FRMPD3: variants seen among roughly 807,000 people sequenced by gnomAD.
FRMPD3 encodes FERM and PDZ domain-containing protein 3.
A neutral mutation model predicts 97.9 loss-of-function variants in FRMPD3; 42 were observed. The ratio of observed to expected loss-of-function variants is 0.43; its 90% CI spans 0.34 to 0.55. The LOEUF (loss-of-function observed/expected upper bound fraction) is 0.55, where lower values mean the gene tolerates loss of function less well. FRMPD3 is among the 20% of genes least tolerant of loss of function. The probability of loss-of-function intolerance (pLI) is 0.03; values close to 1 mark genes in which losing one functional copy is unlikely to be tolerated. For missense variants in FRMPD3, 1,303 were observed against 1,457.7 expected (o/e 0.89, Z 1.73); for synonymous variants, 577 against 581.1 (o/e 0.99, Z 0.10).
chrX:107,580,296 G>A (rs1342833985), intron 13 of FRMPD3, among the ~76,000 whole-genome samples: 2 of 111,818 alleles, frequency 1.8e-5, no homozygotes, highest in Non-Finnish European at 3.8e-5. Flanking sequence ...TGCAATATGG[G>A]AGGCATACTG....
At chrX:107,476,910 C>T (rs187860892) in intron 1 of FRMPD3, among the ~76,000 whole-genome samples, 38 of 112,546 alleles carry the variant, frequency 3.4e-4, no homozygotes, top group Non-Finnish European at 6.4e-4. Context: ...AGTCTCAGCT[C>T]AGTCCCTTCC....
chrX:107,594,723 C>T (rs1456701305), intron 13 of FRMPD3, among the ~76,000 whole-genome samples: 1 of 109,886 alleles, frequency 9.1e-6, no homozygotes. Flanking sequence ...CTCTACTAAA[C>T]ATACAAAATT....
chrX:107,594,494 GTT>G (rs1569429096), intron 13 of FRMPD3, among the ~76,000 whole-genome samples: 1 of 112,066 alleles, frequency 8.9e-6, no homozygotes, highest in Non-Finnish European at 1.9e-5. Context: ...TGTTTTTCTG[GTT>G]TCTTAAGGTA....
chrX:107,480,314 G>A (rs980042120), intron 1 of FRMPD3, among the ~76,000 whole-genome samples: 5 of 111,476 alleles, frequency 4.5e-5, no homozygotes, highest in Admixed American at 9.5e-5. Context: ...TCCATTGATA[G>A]GTAAAATGGC....
chrX:107,524,811 G>A (rs767840534), intron 1 of FRMPD3, among the ~76,000 whole-genome samples: 1 of 110,004 alleles, frequency 9.1e-6, no homozygotes, highest in South Asian at 3.9e-4. Context: ...TGGCCAACAC[G>A]GTGAAACCAT....
In FRMPD3 at chrX:107,492,319, A is replaced by G. The variant is rs956856812; in HGVS notation, c.-7-34263A>G. 1.9e-4 allele frequency among the ~76,000 whole-genome samples: 21 copies of G among 111,781 alleles called. No individual in the cohort carries two copies. The Admixed American group carries it at 2.0e-3, about 11-fold the overall frequency. Reference sequence around the variant, plus strand: ...CTGCAGAGCTATTAACTAGCTGTAGATGAGGTCTATGGCCATGACCCAAAA... The same window carrying G: ...CTGCAGAGCTATTAACTAGCTGTAGGTGAGGTCTATGGCCATGACCCAAAA... On this transcript the variant is annotated intron_variant, in intron 1 of 14. Coordinates refer to ENST00000683843, the MANE Select transcript of FRMPD3 (RefSeq NM_001388459.1).
intron 5 of FRMPD3, among the ~76,000 whole-genome samples, chrX:107,547,785 AG>A (rs1184195162): frequency 2.7e-5 from 3 of 112,046 alleles, no homozygotes; most frequent in African/African-American, 9.7e-5. Flanking sequence ...TTTATTAAGC[AG>A]CCAGAGCAAA....
intron 1 of FRMPD3, among the ~76,000 whole-genome samples, chrX:107,504,244 G>A (rs1250275145): frequency 8.9e-6 from 1 of 112,823 alleles, no homozygotes; most frequent in East Asian, 2.8e-4. Context: ...CTCAAGGCCG[G>A]GTGCTTTCTG....
chrX:107,575,268 T>G (rs2147615792), intron 12 of FRMPD3, among the ~76,000 whole-genome samples: 1 of 112,143 alleles, frequency 8.9e-6, no homozygotes, highest in African/African-American at 3.2e-5. Context: ...AAAGCCTTTC[T>G]TTTGAGGTTT....
chrX:107,525,813 C>T (rs1331062495), intron 1 of FRMPD3, among the ~76,000 whole-genome samples: 7 of 112,154 alleles, frequency 6.2e-5, no homozygotes, highest in African/African-American at 9.7e-5. Flanking sequence ...TGGTGGCTCA[C>T]GCCTGTAATC....
At chrX:107,502,115 T>C (rs759982445) in intron 1 of FRMPD3, among the ~76,000 whole-genome samples, 3 of 109,641 alleles carry the variant, frequency 2.7e-5, no homozygotes, top group South Asian at 4.1e-4. Context: ...AGCTCACAAA[T>C]GAGAGCAAAT....
chrX:107,582,720 C>CTATA (rs1923452167), intron 13 of FRMPD3, among the ~76,000 whole-genome samples: 1 of 112,552 alleles, frequency 8.9e-6, no homozygotes, highest in African/African-American at 3.2e-5. Context: ...CTGCCTTGAT[C>CTATA]TATACGTCTA....
At chrX:107,507,812 C>A in intron 1 of FRMPD3, among the ~76,000 whole-genome samples, 1 of 112,310 alleles carries the variant, frequency 8.9e-6, no homozygotes, top group Non-Finnish European at 1.9e-5. Context: ...CAGAGAACAC[C>A]CAGATCTTCC....
intron 1 of FRMPD3, chrX:107,522,485 T>G: frequency 1.8e-6 from 1 of 547,898 alleles, no homozygotes; most frequent in Non-Finnish European, 3.3e-6. Flanking sequence ...TCCAGGACCG[T>G]GAGTGGGAGC....
rs1160103749 is a variant in FRMPD3, at chrX:107,526,604, G to A, written c.16G>A (p.Ala6Thr). MQEES[A>T]NDMECEQLPA... is the part of the protein sequence containing the mutation. ...CAGTCATGTGATGCAGGAAGAGAGC[G>A]CAAATGATATGGAATGTGAGCAGCT... Residue 6 changes from alanine to threonine, a missense_variant, in exon 2 of 15, where the codon GCA (alanine) becomes ACA (threonine). This residue lies in a region of FRMPD3 where 535 missense variants were observed against 618.6 expected (regional missense o/e 0.86). Transcript: ENST00000683843. The A allele has an allele frequency of 2.0e-5, 24 of 1,198,949 alleles. No individual in the cohort carries two copies. Among genetic ancestry groups the A allele is most frequent in the Non-Finnish European group, 2.2e-5 (20 of 891,554 alleles).
At chrX:107,555,530 A>G (rs1186549267) in intron 8 of FRMPD3, among the ~76,000 whole-genome samples, 1 of 112,042 alleles carries the variant, frequency 8.9e-6, no homozygotes, top group Non-Finnish European at 1.9e-5. Flanking sequence ...TGTTTTAACA[A>G]GCCTTCCAGG....
In FRMPD3 at chrX:107,582,960, A is replaced by G. The variant is rs891198616; in HGVS notation, c.1441+6501A>G. 2.7e-5 allele frequency among the ~76,000 whole-genome samples: 3 copies of G among 112,402 alleles called. No homozygotes were observed. In the East Asian group the frequency reaches 8.3e-4, roughly 31 times the overall value. The stretch of plus-strand genomic sequence containing the variant: ...ATAGATCAATTTGGAAAGTACTATC[A>G]TTATAACAATATTGATTGAGTCTTC... On this transcript the variant is annotated intron_variant, in intron 13 of 14. Transcript: ENST00000683843.
Position 107,601,247 on chromosome X carries a change from C to A in FRMPD3, c.3208C>A (p.Arg1070=). 1 of 1,209,354 alleles carries A rather than the reference C, an allele frequency of 8.3e-7. No homozygotes were observed. Among genetic ancestry groups the A allele is most frequent in the Non-Finnish European group, 1.1e-6 (1 of 894,129 alleles). Residue 1070 remains arginine (R), a synonymous_variant, in exon 15 of 15, where the codon CGA becomes AGA. Transcript: ENST00000683843. ...CAAAAGCTATCTTTTGCGAACAAGC[C>A]GAGAGTCAGTGGGCAAGCAAGCTAC... ...PPKSYLLRTS[R]ESVGKQATGE...
chrX:107,602,882 C>T lies in FRMPD3; in HGVS notation c.4843C>T (p.Arg1615Cys), dbSNP rs750187969. 44 of 1,209,890 alleles carry T rather than the reference C, an allele frequency of 3.6e-5. No individual in the cohort carries two copies. The highest frequency in any genetic ancestry group is 4.5e-5 in the Non-Finnish European group (40 of 895,172). ...GCAGTGTGTGGCCAGCCCCGAGGCC[C>T]GTGCCCCCAAGCCCTATGTGTCTCA... is the stretch of plus-strand genomic sequence containing the variant. ...LRQCVASPEA[R>C]APKPYVSQIS... Residue 1615 changes from arginine to cysteine, a missense_variant, in exon 15 of 15, where the codon CGT becomes TGT. Arg to Cys is a radical substitution (Grantham distance 180, BLOSUM62 -3). Coordinates refer to ENST00000683843, the MANE Select transcript of FRMPD3 (RefSeq NM_001388459.1).
Sources: gnomAD v4.1 joint callset for allele counts (sites outside exome capture counted in the v4.1 genomes callset) on GRCh38, gnomAD v4.1.1 for gene constraint, gnomAD v4.1.1 regional missense constraint, MANE v1.5 for transcripts, NCBI Gene and HGNC (gene_info 2026-07-23, HGNC 2026-07-21) for gene names.